CASZ1: variants seen among roughly 807,000 people sequenced by gnomAD.
CASZ1 encodes castor zinc finger 1.
In CASZ1, 28 loss-of-function variants were observed where a neutral mutation model predicts 135.2. The ratio of observed to expected loss-of-function variants is 0.21; its 90% confidence interval spans 0.15 to 0.28. The LOEUF is 0.28. CASZ1 is among the 10% of genes least tolerant of loss of function. CASZ1 has a pLI of 1.00. For missense variants in CASZ1, 2,161 were observed against 2,453.3 expected (o/e 0.88, Z 2.52); for synonymous variants, 1,068 against 1,073.4 (o/e 0.99, Z 0.10).
chr1:10,789,747 C>T (rs930261123), intron 1 of CASZ1, among the ~76,000 whole-genome samples: 4 of 151,362 alleles, frequency 2.6e-5, no homozygotes, highest in Admixed American at 6.6e-5. Context: ...TCAATTATTC[C>T]AAGTAAGAAA....
rs1020685373 is a variant in CASZ1 at position 10,679,565 on chromosome 1, T to G, written c.17-13994A>C. Among the ~76,000 whole-genome samples, 1 of 152,070 alleles carries G rather than the reference T, an allele frequency of 6.6e-6. No homozygotes were observed. Among genetic ancestry groups the G allele is most frequent in the Non-Finnish European group, 1.5e-5 (1 of 68,000 alleles). The stretch of plus-strand genomic sequence containing the variant: ...CCGCGGGCCCCTCCTCCCCATACCA[T>G]AGTCCTGGTTCCCAGCCTGCAACAG... On this transcript the variant is annotated intron_variant, in intron 4 of 20. Coordinates refer to ENST00000377022, the MANE Select transcript of CASZ1 (RefSeq NM_001079843.3). This position sits in a 1 kb window ranked among gnomAD's most constrained non-coding sequence, Gnocchi z 4.7.
chr1:10,639,564 G>C lies in CASZ1; in HGVS notation c.4658C>G (p.Ser1553Cys), dbSNP rs1642127292. Residue 1553 changes from serine (S) to cysteine (C), a missense_variant, in exon 21 of 21, where the codon TCC (serine) becomes TGC (cysteine). This residue lies in a region of CASZ1 where 240 missense variants were observed against 321.4 expected (regional missense o/e 0.75). Coordinates refer to ENST00000377022, the MANE Select transcript of CASZ1 (RefSeq NM_001079843.3). The surrounding 1 kb of genome is among the most constrained non-coding windows in gnomAD (Gnocchi z 4.0). ...ISAAGFCQFS[S>C]SADCAVPDCK... is the part of the protein sequence containing the mutation. Reference sequence around the variant, plus strand: ...GTCGGGCACGGCGCAGTCGGCGCTGGAGCTGAACTGGCAGAAGCCCGCGGC... The same window carrying C: ...GTCGGGCACGGCGCAGTCGGCGCTGCAGCTGAACTGGCAGAAGCCCGCGGC... 6.2e-7 allele frequency: 1 copy of C among 1,611,340 alleles called. No individual in the cohort carries two copies. Among genetic ancestry groups the C allele is most frequent in the South Asian group, 1.1e-5 (1 of 91,026 alleles).
chr1:10,673,258 A>G (rs914692622), intron 4 of CASZ1, among the ~76,000 whole-genome samples: 2 of 152,200 alleles, frequency 1.3e-5, no homozygotes, highest in African/African-American at 4.8e-5. Context: ...CAGGATGGCC[A>G]TTAACATCCA....
At chr1:10,642,734 C>T in intron 20 of CASZ1, 125 bp downstream of exon 20, 2 of 1,069,632 alleles carry the variant, frequency 1.9e-6, no homozygotes, top group East Asian at 2.6e-5. Context: ...GCTGGCTCTG[C>T]TGCACGCCAG....
intron 2 of CASZ1, among the ~76,000 whole-genome samples, chr1:10,708,608 A>G (rs549214533): frequency 9.9e-5 from 15 of 152,186 alleles, no homozygotes; most frequent in Middle Eastern, 3.4e-3. Context: ...CTGCTGTGAG[A>G]GTGAGCCTGG....
chr1:10,673,691 C>T (rs1570455733), intron 4 of CASZ1, among the ~76,000 whole-genome samples: 1 of 152,248 alleles, frequency 6.6e-6, no homozygotes, highest in East Asian at 1.9e-4. Flanking sequence ...CATGCTGCTG[C>T]CACCATCTGG....
chr1:10,739,763 G>A lies in CASZ1; in HGVS notation c.-77+20938C>T, dbSNP rs889240768. ...CCCTCTCTTTGGGGTTCTGGTTCCC[G>A]ATTAAACCTTGACCTCTCTAGCACA... On this transcript the variant is annotated intron_variant, in intron 2 of 20. Coordinates refer to ENST00000377022, the MANE Select transcript of CASZ1 (RefSeq NM_001079843.3). This position sits in a 1 kb window ranked among gnomAD's most constrained non-coding sequence, Gnocchi z 4.8. Among the ~76,000 whole-genome samples the A allele has an allele frequency of 3.3e-5, 5 of 152,158 alleles. No homozygotes were observed. In the East Asian group the frequency reaches 5.8e-4, roughly 18 times the overall value.
In CASZ1 at chr1:10,666,056, T is replaced by C. The variant is rs1643224378; in HGVS notation, c.17-485A>G. On this transcript the variant is annotated intron_variant, in intron 4 of 20. Transcript: ENST00000377022. The surrounding 1 kb of genome is among the most constrained non-coding windows in gnomAD (Gnocchi z 5.2). ...TGGGAGCGTCCTGCCTTACCACACG[T>C]TCCTGGGGAGGAGTCACAGAGAGCC... Among the ~76,000 whole-genome samples, 1 of 152,104 alleles carries C rather than the reference T, an allele frequency of 6.6e-6. No homozygotes were observed. The highest frequency in any genetic ancestry group is 1.5e-5 in the Non-Finnish European group (1 of 68,000).
rs986763550 is a variant in CASZ1 at position 10,706,573 on chromosome 1, G to A, written c.-76-1029C>T. 7.9e-5 allele frequency among the ~76,000 whole-genome samples: 12 copies of A among 152,176 alleles called. No homozygotes were observed. The highest frequency in any genetic ancestry group is 2.9e-4 in the African/African-American group (12 of 41,432). ...TGAGGTGACCTTGTTGAGGGCTCCC[G>A]GAATGCCACCCAGTCCCACCGCCCG... is the stretch of plus-strand genomic sequence containing the variant. On this transcript the variant is annotated intron_variant, in intron 2 of 20. Transcript: ENST00000377022. The surrounding 1 kb of genome is among the most constrained non-coding windows in gnomAD (Gnocchi z 4.3).
At chr1:10,770,492 C>CT (rs936286905) in intron 1 of CASZ1, among the ~76,000 whole-genome samples, 76 of 152,110 alleles carry the variant, frequency 5.0e-4, no homozygotes, top group Non-Finnish European at 1.2e-4. Flanking sequence ...GAGGTAATTC[C>CT]TTTTTTCCCA....
intron 4 of CASZ1, among the ~76,000 whole-genome samples, chr1:10,674,562 C>T (rs886523161): frequency 6.6e-6 from 1 of 152,216 alleles, no homozygotes; most frequent in South Asian, 2.1e-4. Context: ...GCCCTGGGCT[C>T]GGGTCCCCAA....
intron 5 of CASZ1, among the ~76,000 whole-genome samples, chr1:10,664,438 G>C (rs1234732989): frequency 3.3e-5 from 5 of 152,178 alleles, no homozygotes; most frequent in African/African-American, 1.2e-4. Flanking sequence ...TGCCTCGTGG[G>C]AGAGAGGTCA....
Position 10,650,733 on chromosome 1 carries a change from C to G in CASZ1, c.2839G>C (p.Val947Leu), listed in dbSNP as rs768009827. 5.0e-6 allele frequency: 8 copies of G among 1,614,162 alleles called. No homozygotes were observed. In the Middle Eastern group the frequency reaches 4.9e-4, roughly 100 times the overall value. ...GATAAAAGAGATGAATTTGCCGGGA[C>G]TGCGTGGCCATTTGATTCGTTGCTA... ...EPSNESNGHAVPANSSLLSSL... is the reference protein window; with the variant it reads ...EPSNESNGHALPANSSLLSSL... Residue 947 changes from valine (V) to leucine (L), a missense_variant, in exon 13 of 21, where the codon GTC (valine) becomes CTC (leucine). Around this residue, in one of 7 missense-constraint regions of CASZ1, gnomAD observed 406 missense variants for 387.6 expected, o/e 1.05. Coordinates refer to ENST00000377022, the MANE Select transcript of CASZ1 (RefSeq NM_001079843.3).
rs1007338420 is a variant in CASZ1, at chr1:10,647,222, C to T, written c.3497+579G>A. ...TGCCACTCAGGCGATATAAATAATCCAATTTATTACTTTTATTGAGAACAG... is the reference window on the plus strand; with the variant it reads ...TGCCACTCAGGCGATATAAATAATCTAATTTATTACTTTTATTGAGAACAG... On this transcript the variant is annotated intron_variant, in intron 16 of 20. Coordinates refer to ENST00000377022, the MANE Select transcript of CASZ1 (RefSeq NM_001079843.3). This position sits in a 1 kb window ranked among gnomAD's most constrained non-coding sequence, Gnocchi z 4.9. 5.1e-6 allele frequency: 5 copies of T among 988,358 alleles called. No homozygotes were observed. The highest frequency in any genetic ancestry group is 1.7e-5 in the African/African-American group (1 of 57,204). 61.2% of individuals were successfully genotyped at this position (988,358 alleles called of 1,614,324 possible). A position where few individuals can be genotyped will look rare whatever the true frequency, so the allele number is the denominator to read the frequency against.
chr1:10,658,433 G>A (rs1051176471), intron 7 of CASZ1, 75 bp downstream of exon 7: 70 of 1,263,720 alleles, frequency 5.5e-5, no homozygotes, highest in Admixed American at 2.3e-4. Context: ...GATATCAAAC[G>A]AATGGCCTCA....
chr1:10,666,799 A>G lies in CASZ1; in HGVS notation c.17-1228T>C, dbSNP rs1029324587. Reference sequence around the variant, plus strand: ...GGCGAGGGTGGACACACACACACGCACACACACGCGTGCACACACAGCGCA... The same window carrying G: ...GGCGAGGGTGGACACACACACACGCGCACACACGCGTGCACACACAGCGCA... On this transcript the variant is annotated intron_variant, in intron 4 of 20. Coordinates refer to ENST00000377022, the MANE Select transcript of CASZ1 (RefSeq NM_001079843.3). The surrounding 1 kb of genome is among the most constrained non-coding windows in gnomAD (Gnocchi z 5.2). Among the ~76,000 whole-genome samples, 1 of 152,176 alleles carries G rather than the reference A, an allele frequency of 6.6e-6. No homozygotes were observed. Among genetic ancestry groups the G allele is most frequent in the African/African-American group, 2.4e-5 (1 of 41,416 alleles).
chr1:10,745,358 G>A (rs1317791681), intron 2 of CASZ1, among the ~76,000 whole-genome samples: 1 of 151,594 alleles, frequency 6.6e-6, no homozygotes, highest in African/African-American at 2.4e-5. Flanking sequence ...AATCCAGTGT[G>A]TTCCCCAACT....
rs989436937 is a variant in CASZ1 at position 10,786,032 on chromosome 1, C to T, written c.-234+10532G>A. 7.2e-5 allele frequency among the ~76,000 whole-genome samples: 11 copies of T among 152,342 alleles called. No individual in the cohort carries two copies. In the South Asian group the frequency reaches 1.0e-3, roughly 14 times the overall value. The stretch of plus-strand genomic sequence containing the variant: ...GCTCAGCCTGGCTCCTGATCCCACG[C>T]GCCGCTCCCTCTGCCAGCCACACAG... On this transcript the variant is annotated intron_variant, in intron 1 of 20. Transcript: ENST00000377022.
Position 10,639,940 on chromosome 1 carries a change from C to T in CASZ1, c.4282G>A (p.Gly1428Ser). The stretch of plus-strand genomic sequence containing the variant: ...CGCCGGAAGCCCTCCAGCATCATGC[C>T]CTCGTCCAGCATCTTCCGGGAGGAC... Reference protein sequence around the residue: ...TASSRKMLDEGMMLEGFRRFD... With the variant: ...TASSRKMLDESMMLEGFRRFD... The change falls in exon 21 of 21, where the codon GGC (glycine) becomes AGC (serine). Residue 1428 changes from glycine to serine, a missense_variant. Gly to Ser is a moderately conservative substitution (Grantham distance 56). Around this residue, in one of 7 missense-constraint regions of CASZ1, gnomAD observed 143 missense variants for 128.3 expected, o/e 1.11. Coordinates refer to ENST00000377022, the MANE Select transcript of CASZ1 (RefSeq NM_001079843.3). The surrounding 1 kb of genome is among the most constrained non-coding windows in gnomAD (Gnocchi z 4.0). 1 of 1,612,960 alleles carries T rather than the reference C, an allele frequency of 6.2e-7. No homozygotes were observed. The highest frequency in any genetic ancestry group is 8.5e-7 in the Non-Finnish European group (1 of 1,180,020).
Sources: allele counts gnomAD v4.1 joint callset (sites outside exome capture counted in the v4.1 genomes callset), GRCh38; gene constraint gnomAD v4.1.1; regional missense constraint gnomAD v4.1.1; non-coding constraint Gnocchi (gnomAD v3.1); transcripts MANE v1.5; gene names NCBI Gene and HGNC (gene_info 2026-07-23, HGNC 2026-07-21).